The following CNTN6 variants were observed in gnomAD, a reference collection of about 807,000 sequenced individuals.
CNTN6 encodes contactin 6.
Under a neutral mutation model 122.8 loss-of-function variants are expected in CNTN6, and 137 were observed. That is an observed-to-expected ratio of 1.12 (90% confidence interval 0.97 to 1.29). The LOEUF is 1.29. Ranked by LOEUF, CNTN6 falls within the 50% of genes most tolerant of loss-of-function variation. The probability of loss-of-function intolerance (pLI) is 0.00; values close to 1 mark genes in which losing one functional copy is unlikely to be tolerated. For synonymous variants in CNTN6, 570 were observed against 426.0 expected (o/e 1.34, Z -4.16); for missense variants, 1,634 against 1,223.4 (o/e 1.34, Z -5.01).
At chr3:1,108,906 A>G (rs2091349800) in intron 1 of CNTN6, among the ~76,000 whole-genome samples, 1 of 152,072 alleles carries the variant, frequency 6.6e-6, no homozygotes, top group African/African-American at 2.4e-5. Context: ...CTGTTTAGAC[A>G]CTTTAAGAGA....
At position 1,142,966 on chromosome 3, in the gene CNTN6, GTGTATA is replaced by G. The variant is rs1411457463; in HGVS notation, c.-82-4959_-82-4954del. Among the ~76,000 whole-genome samples the G allele has an allele frequency of 7.3e-3, 705 of 96,568 alleles. 9 individuals are homozygous for G. The highest frequency in any genetic ancestry group is 0.028 in the African/African-American group (662 of 23,446). 63.4% of individuals were successfully genotyped at this position (96,568 alleles called of 152,430 possible). On this transcript the variant is annotated intron_variant, in intron 1 of 22. Coordinates refer to ENST00000446702, the MANE Select transcript of CNTN6 (RefSeq NM_001289080.2). ...GATACATATAAATTTGTGTGTGTGT[GTGTATA>G]TATATATATATATATATATATATAT...
In CNTN6 at chr3:1,372,616, G is replaced by T. The variant is rs1709214319; in HGVS notation, c.1668+142G>T. 11 of 801,102 alleles carry T rather than the reference G, an allele frequency of 1.4e-5. No individual in the cohort carries two copies. In the South Asian group the frequency reaches 1.4e-4, roughly 11 times the overall value. The allele number at this position is 801,102 out of a possible 1,614,324, so 49.6% of individuals were successfully genotyped here. On this transcript the variant is annotated intron_variant, in intron 13 of 22. Transcript: ENST00000446702. ...TTGAAGCTACATTTGTTTTTGTTTTGGTTTATTTTGTTTCGTGTCTTCCGT... is the reference window on the plus strand; with the variant it reads ...TTGAAGCTACATTTGTTTTTGTTTTTGTTTATTTTGTTTCGTGTCTTCCGT...
intron 1 of CNTN6, among the ~76,000 whole-genome samples, chr3:1,110,855 C>T (rs1222870693): frequency 6.6e-6 from 1 of 152,088 alleles, no homozygotes; most frequent in South Asian, 2.1e-4. Context: ...ACTCTTAGTC[C>T]GATGACAGAA....
chr3:1,240,009 A>AT lies in CNTN6; in HGVS notation c.358+12016_358+12017insT, dbSNP rs570614068. Among the ~76,000 whole-genome samples, 516 of 152,144 alleles carry AT rather than the reference A, an allele frequency of 3.4e-3. 4 individuals carry two copies. Among genetic ancestry groups the AT allele is most frequent in the African/African-American group, 0.012 (486 of 41,514 alleles). On this transcript the variant is annotated intron_variant, in intron 4 of 22. Coordinates refer to ENST00000446702, the MANE Select transcript of CNTN6 (RefSeq NM_001289080.2). Reference sequence around the variant, plus strand: ...AAACTGGATCCTCATCTCTCACCTTAAAAAAAATCAACTCAAGATATATCA... The same window carrying AT: ...AAACTGGATCCTCATCTCTCACCTTATAAAAAAATCAACTCAAGATATATCA...
intron 5 of CNTN6, among the ~76,000 whole-genome samples, chr3:1,288,941 G>A (rs1055426891): frequency 2.0e-5 from 3 of 152,080 alleles, no homozygotes; most frequent in African/African-American, 2.4e-5. Context: ...TGTAGAGGAC[G>A]AAGTCATTGT....
intron 5 of CNTN6, among the ~76,000 whole-genome samples, chr3:1,284,694 AAGG>A (rs2125820149): frequency 6.6e-6 from 1 of 152,336 alleles, no homozygotes; most frequent in Admixed American, 6.5e-5. Context: ...AGAAAAATAA[AAGG>A]AGATAGGAAA....
At position 1,401,497 on chromosome 3, in the gene CNTN6, G is replaced by A; in HGVS notation, c.2769G>A (p.Trp923Ter). ...KLTNSKLCLN[W>*]EHVKTMENES... ...CAAACTCTAAATTATGCTTGAACTGGGAGCATGTAAAAACCATGGAAAATG... is the reference window on the plus strand; with the variant it reads ...CAAACTCTAAATTATGCTTGAACTGAGAGCATGTAAAAACCATGGAAAATG... Residue 923 changes from tryptophan (W) to a stop codon, truncating the protein, a stop_gained, in exon 21 of 23, where the codon TGG becomes TGA. Transcript: ENST00000446702. LOFTEE classifies it high-confidence loss of function. 4 of 1,612,006 alleles carry A rather than the reference G, an allele frequency of 2.5e-6. No homozygotes were observed. Among genetic ancestry groups the A allele is most frequent in the South Asian group, 1.1e-5 (1 of 90,974 alleles).
chr3:1,325,701 T>C (rs1701438557), intron 8 of CNTN6, 114 bp from the exon 9 acceptor site: 1 of 1,064,780 alleles, frequency 9.4e-7, no homozygotes, highest in Non-Finnish European at 1.3e-6. Flanking sequence ...GTGTGTGCAA[T>C]CCAACTGGAC....
At chr3:1,338,636 T>G (rs1703441641) in intron 11 of CNTN6, among the ~76,000 whole-genome samples, 1 of 152,218 alleles carries the variant, frequency 6.6e-6, no homozygotes, top group African/African-American at 2.4e-5. Context: ...TAATTGGCTC[T>G]AGAATGGTGT....
intron 11 of CNTN6, among the ~76,000 whole-genome samples, chr3:1,351,456 T>C (rs1475209432): frequency 1.3e-5 from 2 of 151,884 alleles, no homozygotes; most frequent in East Asian, 3.9e-4. Context: ...ATATAAAATA[T>C]GGTAGCCTAA....
At chr3:1,210,186 C>T (rs17035567) in intron 2 of CNTN6, among the ~76,000 whole-genome samples, 9,997 of 152,154 alleles carry the variant, frequency 0.066, 406 homozygotes, top group Middle Eastern at 0.11. Flanking sequence ...CTTAAAGCTC[C>T]GGTCTGCCTC....
chr3:1,174,196 T>C (rs571180981), intron 2 of CNTN6, among the ~76,000 whole-genome samples: 19 of 152,176 alleles, frequency 1.2e-4, no homozygotes, highest in Non-Finnish European at 2.6e-4. Context: ...CACAATACAT[T>C]CGCTTTTACA....
intron 20 of CNTN6, among the ~76,000 whole-genome samples, chr3:1,390,509 G>T (rs1314538803): frequency 6.6e-6 from 1 of 151,818 alleles, no homozygotes; most frequent in Admixed American, 6.6e-5. Flanking sequence ...AACTAGAAAA[G>T]CAAGAGCAAA....
chr3:1,252,611 T>G (rs1263464237), intron 4 of CNTN6, among the ~76,000 whole-genome samples: 1 of 152,194 alleles, frequency 6.6e-6, no homozygotes, highest in East Asian at 1.9e-4. Flanking sequence ...ACAAAAATAA[T>G]AAAATACGGA....
intron 7 of CNTN6, among the ~76,000 whole-genome samples, chr3:1,301,153 C>T (rs1023791537): frequency 6.6e-6 from 1 of 150,854 alleles, no homozygotes; most frequent in African/African-American, 2.4e-5. Flanking sequence ...TCTCCTGCCT[C>T]AGCCTCCAGA....
chr3:1,308,287 TTGTGTGTGTGTGTG>T (rs113198519), intron 7 of CNTN6, among the ~76,000 whole-genome samples: 3 of 144,826 alleles, frequency 2.1e-5, no homozygotes, highest in Non-Finnish European at 4.5e-5. Context: ...ATGGGGTGTT[TTGTGTGTGTGTGTG>T]TGTGTGTGTG....
At chr3:1,097,389 GAATA>G (rs1180607737) in intron 1 of CNTN6, among the ~76,000 whole-genome samples, 9 of 152,142 alleles carry the variant, frequency 5.9e-5, no homozygotes, top group African/African-American at 1.9e-4. Context: ...ATAAATGAAT[GAATA>G]AATAACTGAA....
chr3:1,201,357 G>A (rs1174122415), intron 2 of CNTN6, among the ~76,000 whole-genome samples: 1 of 151,882 alleles, frequency 6.6e-6, no homozygotes, highest in Non-Finnish European at 1.5e-5. Flanking sequence ...TTGACTGAAT[G>A]GTTTTAAATT....
chr3:1,281,989 C>G (rs1047079937), intron 5 of CNTN6, among the ~76,000 whole-genome samples: 1 of 130,616 alleles, frequency 7.7e-6, no homozygotes, highest in Non-Finnish European at 1.6e-5. Context: ...GGTATACACA[C>G]ACACACACAC....
Sources: gnomAD v4.1 joint callset for allele counts (sites outside exome capture counted in the v4.1 genomes callset) on GRCh38, gnomAD v4.1.1 for gene constraint, MANE v1.5 for transcripts, NCBI Gene and HGNC (gene_info 2026-07-23, HGNC 2026-07-21) for gene names.